The following LRRIQ1 variants were observed in gnomAD, a reference collection of about 807,000 sequenced individuals.
LRRIQ1 encodes leucine rich repeats and IQ motif containing 1.
A neutral mutation model predicts 211.9 loss-of-function variants in LRRIQ1; 210 were observed. The observed-to-expected ratio is 0.99, with a 90% confidence interval of 0.89 to 1.11. The LOEUF (loss-of-function observed/expected upper bound fraction) is 1.11. Ranked by LOEUF, LRRIQ1 falls within the 50% of genes most tolerant of loss-of-function variation. The probability of loss-of-function intolerance (pLI) is 0.00; values close to 1 mark genes in which losing one functional copy is unlikely to be tolerated. For synonymous variants in LRRIQ1, 699 were observed against 650.1 expected, an observed-to-expected ratio of 1.08 and a Z score of -1.14; for missense variants, 2,136 against 1,939.5, an observed-to-expected ratio of 1.10 and a Z score of -1.90.
chr12:85,197,867 A>T (rs1372209248), intron 24 of LRRIQ1, among the ~76,000 whole-genome samples: 1 of 135,226 alleles, frequency 7.4e-6, no homozygotes, highest in African/African-American at 2.8e-5. Context: ...TATAATAAAT[A>T]TAATAAATTT....
At chr12:85,240,413 A>G (rs1487137127) in intron 26 of LRRIQ1, among the ~76,000 whole-genome samples, 1 of 152,174 alleles carries the variant, frequency 6.6e-6, no homozygotes, top group Non-Finnish European at 1.5e-5. Flanking sequence ...ATAAGCTTGT[A>G]AAGACTCTGG....
At chr12:85,099,906 CA>C (rs1195749583) in intron 13 of LRRIQ1, among the ~76,000 whole-genome samples, 1 of 151,642 alleles carries the variant, frequency 6.6e-6, no homozygotes, top group African/African-American at 2.4e-5. Flanking sequence ...AATATGTATT[CA>C]AAAAATCCCC....
intron 11 of LRRIQ1, among the ~76,000 whole-genome samples, chr12:85,085,225 G>A (rs190415796): frequency 1.4e-4 from 22 of 152,014 alleles, no homozygotes; most frequent in African/African-American, 3.9e-4. Flanking sequence ...TAATTGATTC[G>A]CAGTTCCGCA....
At chr12:85,270,180 A>G in the LRRIQ1 span, among the ~76,000 whole-genome samples, 1 of 152,142 alleles carries the variant, frequency 6.6e-6, no homozygotes, top group Non-Finnish European at 1.5e-5. Flanking sequence ...TAGAGACCAT[A>G]TAGTTTAATC....
intron 24 of LRRIQ1, among the ~76,000 whole-genome samples, chr12:85,209,807 G>GA (rs199897409): frequency 2.0e-5 from 3 of 151,530 alleles, no homozygotes; most frequent in Admixed American, 1.3e-4. Flanking sequence ...CAACATCCAT[G>GA]AAAAAAAATA....
chr12:85,140,484 T>C (rs1306330281), intron 19 of LRRIQ1, among the ~76,000 whole-genome samples: 3 of 151,390 alleles, frequency 2.0e-5, no homozygotes, highest in Non-Finnish European at 4.4e-5. Flanking sequence ...TTAATTTTAA[T>C]AGATTATCTG....
rs950856321 is a variant in LRRIQ1, at chr12:85,106,660, T to C, written c.3377+45T>C. ...CCCCATGTATATCCATTATTATAGT[T>C]GCAGAAAAAAGTTTGATAAAAATTG... On this transcript the variant is annotated intron_variant, in intron 15 of 26. Coordinates refer to ENST00000393217, the MANE Select transcript of LRRIQ1 (RefSeq NM_001079910.2). The C allele has an allele frequency of 3.8e-6, 5 of 1,317,440 alleles. No individual in the cohort carries two copies. In the African/African-American group the frequency reaches 4.5e-5, roughly 12 times the overall value. The allele number at this position is 1,317,440 out of a possible 1,614,324, so 81.6% of individuals were successfully genotyped here.
At chr12:85,267,207 A>G (rs1896439134), downstream of LRRIQ1, among the ~76,000 whole-genome samples, 1 of 152,132 alleles carries the variant, frequency 6.6e-6, no homozygotes, top group South Asian at 2.1e-4. Flanking sequence ...TGTAAGTATG[A>G]TGTGAGCCAT....
At chr12:85,108,207 G>A (rs775261202) in intron 15 of LRRIQ1, among the ~76,000 whole-genome samples, 17 of 152,078 alleles carry the variant, frequency 1.1e-4, no homozygotes, top group Non-Finnish European at 2.1e-4. Flanking sequence ...GCACTAATGC[G>A]ATACTTTCTA....
chr12:85,096,374 T>G (rs1359486604), intron 11 of LRRIQ1, among the ~76,000 whole-genome samples: 1 of 152,192 alleles, frequency 6.6e-6, no homozygotes. Context: ...CCTTTTTCAT[T>G]TGTTTCAAAT....
chr12:85,267,943 C>T (rs958002309), downstream of LRRIQ1, among the ~76,000 whole-genome samples: 3 of 151,880 alleles, frequency 2.0e-5, no homozygotes, highest in Non-Finnish European at 4.4e-5. Context: ...AACTCAATAG[C>T]GTCAAGTGAG....
intron 24 of LRRIQ1, among the ~76,000 whole-genome samples, chr12:85,219,069 C>T (rs1894284072): frequency 1.3e-5 from 2 of 152,068 alleles, no homozygotes; most frequent in Admixed American, 6.6e-5. Flanking sequence ...ACTCTAGTCC[C>T]AGCCCTAGTT....
At chr12:85,142,916 G>T (rs2136596319) in intron 19 of LRRIQ1, among the ~76,000 whole-genome samples, 1 of 151,684 alleles carries the variant, frequency 6.6e-6, no homozygotes, top group East Asian at 1.9e-4. Flanking sequence ...CTAGAGTGAA[G>T]ACAACGATAC....
rs1434576996 is a variant in LRRIQ1, at chr12:85,176,293, T to A, written c.4822+15579T>A. On this transcript the variant is annotated intron_variant, in intron 24 of 26. Transcript: ENST00000393217. ...ATTGTGAATGGGAGTTCACTCATGA[T>A]TTGGCTCTCTGTTTGTCTGTTATTG... 2.0e-5 allele frequency among the ~76,000 whole-genome samples: 3 copies of A among 152,038 alleles called. No individual in the cohort carries two copies. The East Asian group carries it at 5.8e-4, about 29-fold the overall frequency.
chr12:85,037,745 C>A (rs1023299311), intron 1 of LRRIQ1, among the ~76,000 whole-genome samples: 1 of 151,964 alleles, frequency 6.6e-6, no homozygotes, highest in Non-Finnish European at 1.5e-5. Context: ...CTGACTAGTA[C>A]GTTTTCAAAC....
At chr12:85,197,156 A>G (rs1215588409) in intron 24 of LRRIQ1, among the ~76,000 whole-genome samples, 9 of 152,208 alleles carry the variant, frequency 5.9e-5, no homozygotes, top group Non-Finnish European at 1.2e-4. Context: ...TTGAATGGCA[A>G]TCATTAAAAA....
At chr12:85,044,084 A>C (rs1174474095) in intron 3 of LRRIQ1, among the ~76,000 whole-genome samples, 1 of 152,076 alleles carries the variant, frequency 6.6e-6, no homozygotes, top group Non-Finnish European at 1.5e-5. Flanking sequence ...GTTAAAAGAA[A>C]ATCTATAATA....
chr12:85,141,720 G>A (rs1429494417), intron 19 of LRRIQ1, among the ~76,000 whole-genome samples: 1 of 149,792 alleles, frequency 6.7e-6, no homozygotes, highest in Non-Finnish European at 1.5e-5. Context: ...TTTTATTCTG[G>A]CATTATTTTT....
intron 24 of LRRIQ1, among the ~76,000 whole-genome samples, chr12:85,197,851 T>A (rs904938842): frequency 1.5e-5 from 2 of 135,490 alleles, no homozygotes; most frequent in South Asian, 4.3e-4. Flanking sequence ...TTATATTTAT[T>A]ATAAATATAA....
Sources: allele counts gnomAD v4.1 joint callset (sites outside exome capture counted in the v4.1 genomes callset), GRCh38; gene constraint gnomAD v4.1.1; transcripts MANE v1.5; gene names NCBI Gene and HGNC (gene_info 2026-07-23, HGNC 2026-07-21).